The following SPATA18 variants were observed in gnomAD, a reference collection of about 807,000 sequenced individuals.
The protein encoded by SPATA18 is mitochondria-eating protein.
In SPATA18, 54 loss-of-function variants were observed where a neutral mutation model predicts 68.1. The observed-to-expected ratio is 0.79, with a 90% CI of 0.64 to 0.99. SPATA18 has a LOEUF of 0.99. SPATA18 is among the 50% of genes least tolerant of loss of function. SPATA18 has a pLI of 0.00. For synonymous variants in SPATA18, 242 were observed against 244.8 expected (o/e 0.99, Z 0.11); for missense variants, 724 against 681.1 (o/e 1.06, Z -0.70).
chr4:52,094,135 G>A (rs139705038), intron 11 of SPATA18, among the ~76,000 whole-genome samples: 51 of 152,316 alleles, frequency 3.3e-4, no homozygotes, highest in African/African-American at 1.2e-3. Context: ...AGATTTGAAA[G>A]ATGAAGATTT....
rs1280380455 is a variant in SPATA18 at position 52,084,973 on chromosome 4, C to G, written c.1537C>G (p.Pro513Ala). 1.2e-6 allele frequency: 2 copies of G among 1,613,778 alleles called. No homozygotes were observed. The highest frequency in any genetic ancestry group is 1.7e-6 in the Non-Finnish European group (2 of 1,179,892). The part of the protein sequence containing the change: ...CRSRSLSPIC[P>A]RSQIGLNTMS... ...AAGCAGGAGTTTAAGTCCCATTTGCCCCCGTAGCCAAATTGGTTTAAACAC... is the reference window on the plus strand; with the variant it reads ...AAGCAGGAGTTTAAGTCCCATTTGCGCCCGTAGCCAAATTGGTTTAAACAC... Residue 513 changes from proline to alanine, a missense_variant, in exon 11 of 13, where the codon CCC becomes GCC. Coordinates refer to ENST00000295213, the MANE Select transcript of SPATA18 (RefSeq NM_145263.4).
intron 7 of SPATA18, 60 bp downstream of exon 7, chr4:52,077,100 C>A: frequency 1.3e-6 from 2 of 1,506,380 alleles, no homozygotes; most frequent in Non-Finnish European, 1.8e-6. Flanking sequence ...AGTTCTGTAA[C>A]GTGAATGGAA....
intron 11 of SPATA18, among the ~76,000 whole-genome samples, chr4:52,086,623 C>A (rs1432209555): frequency 6.6e-6 from 1 of 152,166 alleles, no homozygotes; most frequent in Non-Finnish European, 1.5e-5. Context: ...GCATAGTATT[C>A]CATGGTGTAT....
chr4:52,061,491 A>AATAATC (rs1343066817), intron 3 of SPATA18, among the ~76,000 whole-genome samples: 1 of 61,956 alleles, frequency 1.6e-5, no homozygotes, highest in Non-Finnish European at 2.6e-5. Context: ...AAGTAAAAAT[A>AATAATC]ATAATAATAA....
At chr4:52,076,688 G>T in intron 6 of SPATA18, 91 bp from the exon 7 acceptor site, 2 of 1,548,602 alleles carry the variant, frequency 1.3e-6, no homozygotes, top group South Asian at 2.5e-5. Context: ...TTTGCCTCCG[G>T]ATGGTCGGAT....
chr4:52,062,040 C>T (rs914396357), intron 3 of SPATA18, among the ~76,000 whole-genome samples, 180 bp from the exon 4 acceptor site: 1 of 152,150 alleles, frequency 6.6e-6, no homozygotes, highest in African/African-American at 2.4e-5. Flanking sequence ...GCACCTTCCC[C>T]AGGGCAACCA....
intron 9 of SPATA18, among the ~76,000 whole-genome samples, chr4:52,080,754 T>C (rs534517653): frequency 1.3e-5 from 2 of 152,286 alleles, no homozygotes; most frequent in Non-Finnish European, 2.9e-5. Context: ...CTTCCTAGGG[T>C]CGTAGAAGGT....
chr4:52,091,149 G>A (rs1267111725), intron 11 of SPATA18, among the ~76,000 whole-genome samples: 1 of 151,850 alleles, frequency 6.6e-6, no homozygotes, highest in Non-Finnish European at 1.5e-5. Flanking sequence ...GGTCATTTAT[G>A]TTCTTCTCTA....
chr4:52,085,039 A>C, intron 11 of SPATA18, 40 bp downstream of exon 11: 1 of 1,410,014 alleles, frequency 7.1e-7, no homozygotes, highest in Non-Finnish European at 9.6e-7. Context: ...AAATTCATCT[A>C]TGGTTGGCTT....
At chr4:52,077,469 A>C (rs1042575049) in intron 7 of SPATA18, among the ~76,000 whole-genome samples, 1 of 150,782 alleles carries the variant, frequency 6.6e-6, no homozygotes, top group Non-Finnish European at 1.5e-5. Context: ...TGGGGGATGA[A>C]TCATCTTCAC....
At chr4:52,077,673 A>T (rs1740516929) in intron 7 of SPATA18, among the ~76,000 whole-genome samples, 1 of 152,136 alleles carries the variant, frequency 6.6e-6, no homozygotes, top group African/African-American at 2.4e-5. Context: ...TATTATTGCT[A>T]ATGGCTGTCA....
chr4:52,064,068 T>C (rs1179528427), intron 4 of SPATA18, among the ~76,000 whole-genome samples: 1 of 152,118 alleles, frequency 6.6e-6, no homozygotes, highest in East Asian at 1.9e-4. Context: ...AAACTTTTCA[T>C]TTGAAAATAA....
intron 1 of SPATA18, among the ~76,000 whole-genome samples, chr4:52,059,616 CA>C (rs1366778650): frequency 6.6e-6 from 1 of 152,214 alleles, no homozygotes; most frequent in Non-Finnish European, 1.5e-5. Context: ...GAAGCCTTCC[CA>C]GACTTTCCAA....
intron 1 of SPATA18, among the ~76,000 whole-genome samples, chr4:52,053,295 C>T (rs1290368183): frequency 6.6e-6 from 1 of 152,194 alleles, no homozygotes; most frequent in East Asian, 1.9e-4. Context: ...TCTCTGCTCT[C>T]ATTAAAACCA....
chr4:52,073,580 T>C (rs1473994678), intron 6 of SPATA18, among the ~76,000 whole-genome samples: 1 of 152,088 alleles, frequency 6.6e-6, no homozygotes, highest in Non-Finnish European at 1.5e-5. Context: ...TAGACAAGCC[T>C]GAGCAACATG....
At chr4:52,063,776 G>C (rs1206956112) in intron 4 of SPATA18, among the ~76,000 whole-genome samples, 1 of 152,090 alleles carries the variant, frequency 6.6e-6, no homozygotes, top group African/African-American at 2.4e-5. Flanking sequence ...CTGGGTTCTT[G>C]CTGGCCTTAA....
chr4:52,092,269 A>T (rs1008125226), intron 11 of SPATA18, among the ~76,000 whole-genome samples: 34 of 152,154 alleles, frequency 2.2e-4, no homozygotes, highest in African/African-American at 8.2e-4. Flanking sequence ...AGAAAAAAAA[A>T]AAAGCCCCTG....
rs565459309 is a variant in SPATA18, at chr4:52,074,211, C to A, written c.758+2055C>A. Among the ~76,000 whole-genome samples the A allele has an allele frequency of 2.6e-5, 4 of 152,180 alleles. No individual in the cohort carries two copies. The South Asian group carries it at 8.3e-4, about 32-fold the overall frequency. On this transcript the variant is annotated intron_variant, in intron 6 of 12. Transcript: ENST00000295213. ...GGTGGGAGCTATTGTACCCGGAGTA[C>A]AAACATCATAATGAAGAGAATTATG...
In SPATA18 at chr4:52,051,771, T is replaced by C. The variant is rs1737893781; in HGVS notation, c.67T>C (p.Phe23Leu). ...TLRTLQEKLD[F>L]WLKEYNTNTC... ...ACGAACGTTGCAGGAAAAGCTAGAC[T>C]TCTGGCTGAAGGAGTACAACGTGAG... is the stretch of plus-strand genomic sequence containing the variant. The change falls in exon 1 of 13, where the codon TTC becomes CTC. Residue 23 changes from phenylalanine to leucine, a missense_variant. Physicochemically the swap from Phe to Leu is conservative, Grantham distance 22 (BLOSUM62 0). Transcript: ENST00000295213. 6.2e-7 allele frequency: 1 copy of C among 1,614,220 alleles called. No individual in the cohort carries two copies. The highest frequency in any genetic ancestry group is 8.5e-7 in the Non-Finnish European group (1 of 1,180,038).
Sources: allele counts gnomAD v4.1 joint callset (sites outside exome capture counted in the v4.1 genomes callset), GRCh38; gene constraint gnomAD v4.1.1; transcripts MANE v1.5; gene names NCBI Gene and HGNC (gene_info 2026-07-23, HGNC 2026-07-21).